The following SDF4 variants were observed in gnomAD, a reference collection of about 807,000 sequenced individuals.
The protein encoded by SDF4 is 45 kDa calcium-binding protein.
Under a neutral mutation model 34.2 loss-of-function variants are expected in SDF4, and 22 were observed. That is an observed-to-expected ratio of 0.64 (90% CI 0.46 to 0.92). The LOEUF (loss-of-function observed/expected upper bound fraction) is 0.92, where lower values mean the gene tolerates loss of function less well. Ranked by LOEUF, SDF4 falls within the 40% of genes least tolerant of loss-of-function variation. SDF4 has a pLI of 0.00. For missense variants in SDF4, 447 were observed against 499.9 expected (o/e 0.89, Z 1.01); for synonymous variants, 236 against 203.1 (o/e 1.16, Z -1.38).
At chr1:1,230,462 A>ATTT (rs553378637) in intron 1 of SDF4, among the ~76,000 whole-genome samples, 15,887 of 143,850 alleles carry the variant, frequency 0.11, 976 homozygotes, top group East Asian at 0.17. Flanking sequence ...CTCATGTCTG[A>ATTT]TTTTTTTTTT....
chr1:1,218,780 A>G lies in SDF4; in HGVS notation c.704T>C (p.Val235Ala), dbSNP rs1345858288. The change falls in exon 5 of 7, where the codon GTC (valine) becomes GCC (alanine). Residue 235 changes from valine (V) to alanine (A), a missense_variant. By Grantham distance (64) the Val-to-Ala change is moderately conservative (BLOSUM62 0). Transcript: ENST00000360001. The surrounding 1 kb of genome is among the most constrained non-coding windows in gnomAD (Gnocchi z 7.9). ...GMLRFMVKEIVRDLDQDGDKQ... is the reference protein window; with the variant it reads ...GMLRFMVKEIARDLDQDGDKQ... ...GGACCCAGCCTCACCCAGGTCCCGG[A>G]CGATCTCCTTCACCATGAACCTGAG... The G allele has an allele frequency of 1.2e-6, 2 of 1,612,048 alleles. No homozygotes were observed. The highest frequency in any genetic ancestry group is 1.1e-5 in the South Asian group (1 of 91,038).
At chr1:1,226,093 C>T (rs532140992) in intron 2 of SDF4, among the ~76,000 whole-genome samples, 82 of 152,248 alleles carry the variant, frequency 5.4e-4, no homozygotes, top group Non-Finnish European at 1.0e-3. Context: ...AAGGGCAAGA[C>T]GCCCAGTGCC....
intron 2 of SDF4, 37 bp from the exon 3 acceptor site, chr1:1,224,005 G>A: frequency 6.2e-7 from 1 of 1,604,202 alleles, no homozygotes. Context: ...CCGTCAGACT[G>A]GGCCCCCAGG....
Position 1,218,557 on chromosome 1 carries a change from G to C in SDF4, c.792C>G (p.Gly264=). The change falls in exon 6 of 7, where the codon GGC becomes GGG. Residue 264 remains glycine, a synonymous_variant. Coordinates refer to ENST00000360001, the MANE Select transcript of SDF4 (RefSeq NM_016176.6). This position sits in a 1 kb window ranked among gnomAD's most constrained non-coding sequence, Gnocchi z 7.9. The stretch of plus-strand genomic sequence containing the variant: ...TCACCCAGTTGTCGTCAATGTCCTG[G>C]CCCTGCTGGTTCTCCACGGTGCCCA... ...LPVGTVENQQ[G]QDIDDNWVKD... The C allele has an allele frequency of 6.2e-7, 1 of 1,614,078 alleles. No homozygotes were observed. The highest frequency in any genetic ancestry group is 8.5e-7 in the Non-Finnish European group (1 of 1,179,964).
intron 4 of SDF4, chr1:1,220,564 G>A (rs1487976647): frequency 1.0e-5 from 13 of 1,268,142 alleles, no homozygotes; most frequent in Non-Finnish European, 1.2e-5. Context: ...CCTGAGGTCG[G>A]GGAGGCCAAG....
In SDF4 at chr1:1,230,324, T is replaced by A. The variant is rs368245192; in HGVS notation, c.-174-1378A>T. Among the ~76,000 whole-genome samples, 258 of 152,348 alleles carry A rather than the reference T, an allele frequency of 1.7e-3. 9 individuals are homozygous for A. In the South Asian group the frequency reaches 0.051, roughly 30 times the overall value. Reference sequence around the variant, plus strand: ...TGGGTAATATTAAACGAAAAAATGCTGCCTCCAGGTATCGAGAAACACCAG... The same window carrying A: ...TGGGTAATATTAAACGAAAAAATGCAGCCTCCAGGTATCGAGAAACACCAG... On this transcript the variant is annotated intron_variant, in intron 1 of 6. Transcript: ENST00000360001.
In SDF4 at chr1:1,221,898, C is replaced by T. The variant is rs531305609; in HGVS notation, c.556+1346G>A. On this transcript the variant is annotated intron_variant, in intron 4 of 6. Transcript: ENST00000360001. ...CCTGGAAGGTACAGCTGCAGGGAGC[C>T]GAGACTGCACCACTGCACTGCAGGC... Among the ~76,000 whole-genome samples, 9 of 151,896 alleles carry T rather than the reference C, an allele frequency of 5.9e-5. No homozygotes were observed. In the South Asian group the frequency reaches 1.0e-3, roughly 18 times the overall value.
At chr1:1,219,066 TC>T in intron 4 of SDF4, 139 bp from the exon 5 acceptor site, 1 of 1,567,464 alleles carries the variant, frequency 6.4e-7, no homozygotes, top group Non-Finnish European at 8.6e-7. Flanking sequence ...GATTCACACG[TC>T]CCCAGAACAT....
chr1:1,218,130 G>A lies in SDF4; in HGVS notation c.891+328C>T, dbSNP rs944618842. Among the ~76,000 whole-genome samples, 4 of 152,220 alleles carry A rather than the reference G, an allele frequency of 2.6e-5. No individual in the cohort carries two copies. The highest frequency in any genetic ancestry group is 5.9e-5 in the Non-Finnish European group (4 of 68,034). ...CGCCCCGCCCACCTGCACCTGCTGGGCCTTGGACCTGCCTCCATGCTGGGC... is the reference window on the plus strand; with the variant it reads ...CGCCCCGCCCACCTGCACCTGCTGGACCTTGGACCTGCCTCCATGCTGGGC... On this transcript the variant is annotated intron_variant, in intron 6 of 6. Transcript: ENST00000360001. This position sits in a 1 kb window ranked among gnomAD's most constrained non-coding sequence, Gnocchi z 7.9.
chr1:1,229,214 A>G (rs1273055891), intron 1 of SDF4, among the ~76,000 whole-genome samples: 1 of 152,086 alleles, frequency 6.6e-6, no homozygotes, highest in East Asian at 1.9e-4. Flanking sequence ...TTTTAGAAAC[A>G]GGGTCTTGCT....
chr1:1,229,849 C>T (rs1008174120), intron 1 of SDF4, among the ~76,000 whole-genome samples: 4 of 152,218 alleles, frequency 2.6e-5, no homozygotes, highest in African/African-American at 9.6e-5. Flanking sequence ...GTGCAGAGGG[C>T]GTCAGGGCCT....
chr1:1,220,900 T>C (rs1489166780), intron 4 of SDF4: 1 of 497,408 alleles, frequency 2.0e-6, no homozygotes, highest in Non-Finnish European at 3.5e-6. Context: ...GGGACCGGGG[T>C]GGAGGCACGA....
Position 1,230,577 on chromosome 1 carries a change from C to A in SDF4, c.-175+1315G>T, listed in dbSNP as rs140694131. 9.4e-3 allele frequency among the ~76,000 whole-genome samples: 1,425 copies of A among 152,240 alleles called. 10 individuals are homozygous for A. Among genetic ancestry groups the A allele is most frequent in the South Asian group, 0.021 (100 of 4,822 alleles). ...CCAGGTTCAAGTGATTCTCCTGCCTCGGCCTCCCAGTTAGCTGGGATTACA... is the reference window on the plus strand; with the variant it reads ...CCAGGTTCAAGTGATTCTCCTGCCTAGGCCTCCCAGTTAGCTGGGATTACA... On this transcript the variant is annotated intron_variant, in intron 1 of 6. Transcript: ENST00000360001.
chr1:1,220,794 G>T, intron 4 of SDF4: 2 of 1,278,168 alleles, frequency 1.6e-6, no homozygotes, highest in East Asian at 5.6e-5. Flanking sequence ...GAGTTGGGGG[G>T]CGGGCACGGG....
chr1:1,224,557 G>A (rs1638237073), intron 2 of SDF4, among the ~76,000 whole-genome samples: 1 of 152,196 alleles, frequency 6.6e-6, no homozygotes, highest in Non-Finnish European at 1.5e-5. Flanking sequence ...TAGGATTACA[G>A]GTGTGGCCAC....
chr1:1,230,759 G>C (rs1027044707), intron 1 of SDF4, among the ~76,000 whole-genome samples: 10 of 152,234 alleles, frequency 6.6e-5, no homozygotes, highest in Non-Finnish European at 2.9e-5. Flanking sequence ...CACCCGGCCT[G>C]ATTTTCTGAA....
intron 4 of SDF4, 119 bp from the exon 5 acceptor site, chr1:1,219,046 C>A: frequency 6.3e-7 from 1 of 1,596,362 alleles, no homozygotes; most frequent in Non-Finnish European, 8.5e-7. Context: ...ACCGGGGCCC[C>A]ACCCTCCAGG....
intron 2 of SDF4, among the ~76,000 whole-genome samples, chr1:1,227,616 C>T (rs1399521986): frequency 2.0e-5 from 3 of 152,204 alleles, no homozygotes; most frequent in Non-Finnish European, 2.9e-5. Context: ...CTCACGGGCA[C>T]GCCCTGACCC....
At chr1:1,219,303 G>GACCTCTCA in intron 4 of SDF4, 2 of 1,151,182 alleles carry the variant, frequency 1.7e-6, no homozygotes, top group Non-Finnish European at 2.2e-6. Context: ...ACACAGCCCA[G>GACCTCTCA]ACCTCTCAAG....
Sources: gnomAD v4.1 joint callset for allele counts (sites outside exome capture counted in the v4.1 genomes callset) on GRCh38, gnomAD v4.1.1 for gene constraint, Gnocchi (gnomAD v3.1) non-coding constraint, MANE v1.5 for transcripts, NCBI Gene and HGNC (gene_info 2026-07-23, HGNC 2026-07-21) for gene names.